KMT2C: variants seen among roughly 807,000 people sequenced by gnomAD.
KMT2C encodes the protein histone-lysine N-methyltransferase 2C.
In KMT2C, 88 loss-of-function variants were observed where a neutral mutation model predicts 507.9. The observed-to-expected ratio is 0.17, with a 90% CI of 0.15 to 0.21. The LOEUF (loss-of-function observed/expected upper bound fraction) is 0.21, where lower values mean the gene tolerates loss of function less well. Among genes scored for constraint, KMT2C ranks in the 10% least tolerant of loss-of-function variants. The pLI, the probability that KMT2C is intolerant of heterozygous loss-of-function variation, is 1.00. For missense variants in KMT2C, 4,954 were observed against 5,957.8 expected (o/e 0.83, Z 5.55); for synonymous variants, 2,049 against 2,080.8 (o/e 0.98, Z 0.42).
chr7:152,391,742 C>T (rs994182655), intron 1 of KMT2C, among the ~76,000 whole-genome samples: 1 of 151,922 alleles, frequency 6.6e-6, no homozygotes, highest in Non-Finnish European at 1.5e-5. Context: ...TCACTATATT[C>T]ACCAGGCTGG....
At chr7:152,238,650 T>TA in intron 15 of KMT2C, 57 bp downstream of exon 15, 2 of 1,546,384 alleles carry the variant, frequency 1.3e-6, no homozygotes, top group Non-Finnish European at 1.7e-6. Flanking sequence ...TAACATCCAG[T>TA]AGGGCAAAAC....
chr7:152,434,807 G>A (rs188199014), intron 1 of KMT2C, among the ~76,000 whole-genome samples: 288 of 152,296 alleles, frequency 1.9e-3, no homozygotes, highest in African/African-American at 6.6e-3. Flanking sequence ...CTCAAAGGCA[G>A]GCGACCCTAT....
intron 6 of KMT2C, among the ~76,000 whole-genome samples, chr7:152,274,186 G>C (rs1439358894): frequency 1.3e-5 from 2 of 151,872 alleles, no homozygotes; most frequent in Admixed American, 6.6e-5. Flanking sequence ...ATGGTTAAAA[G>C]GGCAGGTTTC....
At chr7:152,240,724 C>A (rs1588503784) in intron 14 of KMT2C, among the ~76,000 whole-genome samples, 1 of 152,218 alleles carries the variant, frequency 6.6e-6, no homozygotes, top group Non-Finnish European at 1.5e-5. Context: ...GTCCTCTCCC[C>A]CAACACTTCA....
At chr7:152,156,458 T>A in intron 44 of KMT2C, 112 bp from the exon 45 acceptor site, 1 of 1,337,766 alleles carries the variant, frequency 7.5e-7, no homozygotes, top group Non-Finnish European at 1.0e-6. Context: ...TACAGAAATG[T>A]AATCAAGATG....
Position 152,250,923 on chromosome 7 carries a change from C to G in KMT2C, c.1665G>C (p.Met555Ile), listed in dbSNP as rs552470432. Reference protein sequence around the residue: ...EMEVEGPEDQMVFSEQAANKD... With the variant: ...EMEVEGPEDQIVFSEQAANKD... ...TATTAGCTGCCTGCTCTGAGAATAC[C>G]ATTTGATCTTCAGGGCCTTCAACTT... The change falls in exon 12 of 59, where the codon ATG becomes ATC. Residue 555 changes from methionine to isoleucine, a missense_variant. Transcript: ENST00000262189. 1 of 1,610,408 alleles carries G rather than the reference C, an allele frequency of 6.2e-7. No homozygotes were observed.
intron 7 of KMT2C, among the ~76,000 whole-genome samples, chr7:152,268,018 G>A (rs1443066681): frequency 3.3e-5 from 5 of 152,018 alleles, no homozygotes; most frequent in Admixed American, 1.3e-4. Context: ...AGACACTCAC[G>A]CCTGTAATCC....
rs767068791 is a variant in KMT2C, at chr7:152,181,059, C to A, written c.6801G>T (p.Arg2267Ser). The change falls in exon 36 of 59, where the codon AGG becomes AGT. Residue 2267 changes from arginine (R) to serine (S), a missense_variant. This residue lies in a region of KMT2C where 1,689 missense variants were observed against 1,654.3 expected (regional missense o/e 1.02). Transcript: ENST00000262189. ...GTGTCTGGGAACATGTATCAGGTGG[C>A]CTTACCAACGGGCCAGGTAAAGCTG... ...RGPALPGPLV[R>S]PPDTCSQTPR... is the part of the protein sequence containing the mutation. 18 of 1,614,022 alleles carry A rather than the reference C, an allele frequency of 1.1e-5. No homozygotes were observed. The highest frequency in any genetic ancestry group is 1.4e-5 in the Non-Finnish European group (17 of 1,180,032).
intron 11 of KMT2C, among the ~76,000 whole-genome samples, chr7:152,251,425 A>C (rs974856753): frequency 1.3e-5 from 2 of 152,232 alleles, no homozygotes; most frequent in African/African-American, 4.8e-5. Flanking sequence ...GTTTTACAAA[A>C]GCTGCCACTC....
intron 2 of KMT2C, among the ~76,000 whole-genome samples, chr7:152,346,942 A>T (rs2097064842): frequency 6.6e-6 from 1 of 152,142 alleles, no homozygotes; most frequent in African/African-American, 2.4e-5. Flanking sequence ...CCTGGCTAAC[A>T]CGGTGAAACC....
intron 36 of KMT2C, 148 bp downstream of exon 36, chr7:152,180,563 A>T: frequency 1.6e-6 from 1 of 623,504 alleles, no homozygotes; most frequent in South Asian, 2.4e-5. Context: ...TAATTTCATC[A>T]ATTTCATTTT....
intron 23 of KMT2C, among the ~76,000 whole-genome samples, chr7:152,214,013 C>A (rs547298854): frequency 2.6e-5 from 4 of 152,022 alleles, no homozygotes; most frequent in Non-Finnish European, 4.4e-5. Flanking sequence ...ATTAAAACCA[C>A]AATAGATATC....
intron 6 of KMT2C, among the ~76,000 whole-genome samples, chr7:152,285,802 T>C (rs1394990162): frequency 1.3e-5 from 2 of 152,172 alleles, no homozygotes; most frequent in East Asian, 1.9e-4. Flanking sequence ...CTAGCCAACA[T>C]GGCGAAACCC....
intron 22 of KMT2C, among the ~76,000 whole-genome samples, chr7:152,221,260 A>G (rs1268042703): frequency 6.6e-6 from 1 of 152,200 alleles, no homozygotes; most frequent in Non-Finnish European, 1.5e-5. Context: ...CTGTCTCAAA[A>G]AAGTCTTCCT....
At chr7:152,273,554 A>G in intron 7 of KMT2C, 151 bp downstream of exon 7, 2 of 756,134 alleles carry the variant, frequency 2.6e-6, no homozygotes, top group Non-Finnish European at 3.7e-6. Context: ...TTCCCTCCCC[A>G]GCGATCCCTG....
chr7:152,429,850 C>T (rs1482856524), intron 1 of KMT2C, among the ~76,000 whole-genome samples: 1 of 151,656 alleles, frequency 6.6e-6, no homozygotes, highest in Non-Finnish European at 1.5e-5. Flanking sequence ...TAACCACCAG[C>T]ATATATCTAC....
intron 1 of KMT2C, among the ~76,000 whole-genome samples, chr7:152,397,696 A>C (rs925479422): frequency 2.0e-5 from 3 of 152,170 alleles, no homozygotes; most frequent in Admixed American, 2.0e-4. Context: ...ACAGTGGGAA[A>C]GAATTGAATC....
At chr7:152,418,810 G>A (rs756806685) in intron 1 of KMT2C, among the ~76,000 whole-genome samples, 2 of 151,444 alleles carry the variant, frequency 1.3e-5, no homozygotes, top group Non-Finnish European at 2.9e-5. Flanking sequence ...TCTTTTACAT[G>A]TTACAAGGGA....
intron 1 of KMT2C, among the ~76,000 whole-genome samples, chr7:152,420,759 C>T (rs983974923): frequency 6.6e-6 from 1 of 151,544 alleles, no homozygotes; most frequent in African/African-American, 2.4e-5. Context: ...TGCTTGAACC[C>T]GGGAGGCACA....
Sources: allele counts gnomAD v4.1 joint callset (sites outside exome capture counted in the v4.1 genomes callset), GRCh38; gene constraint gnomAD v4.1.1; regional missense constraint gnomAD v4.1.1; transcripts MANE v1.5; gene names NCBI Gene and HGNC (gene_info 2026-07-23, HGNC 2026-07-21).